Variants in ZNF431 observed in about 807,000 individuals in gnomAD.
ZNF431 encodes zinc finger protein 431.
Under a neutral mutation model 57.0 loss-of-function variants are expected in ZNF431, and 34 were observed. The observed-to-expected ratio is 0.60, with a 90% CI of 0.45 to 0.79. The LOEUF is 0.79. ZNF431 is among the 30% of genes least tolerant of loss of function. The probability of loss-of-function intolerance (pLI) is 0.00; values close to 1 mark genes in which losing one functional copy is unlikely to be tolerated. For missense variants in ZNF431, 607 were observed against 667.1 expected (o/e 0.91, Z 0.99); for synonymous variants, 207 against 220.3 (o/e 0.94, Z 0.54).
chr19:21,178,652 T>G (rs778536978), intron 4 of ZNF431, among the ~76,000 whole-genome samples: 1 of 152,146 alleles, frequency 6.6e-6, no homozygotes, highest in Non-Finnish European at 1.5e-5. Context: ...TAAAGCTGAC[T>G]TGAATTACAT....
chr19:21,166,475 T>C lies in ZNF431; in HGVS notation c.223+14T>C. On this transcript the variant is annotated intron_variant, in intron 3 of 4. Transcript: ENST00000311048. Reference sequence around the variant, plus strand: ...TGGTCTTCTTGGGTGAGAATAACTTTCATACACAATTCTTAATATGCCCTA... The same window carrying C: ...TGGTCTTCTTGGGTGAGAATAACTTCCATACACAATTCTTAATATGCCCTA... The C allele has an allele frequency of 6.3e-7, 1 of 1,589,076 alleles. No individual in the cohort carries two copies. The highest frequency in any genetic ancestry group is 8.5e-7 in the Non-Finnish European group (1 of 1,173,202).
chr19:21,193,279 A>C lies in ZNF431; in HGVS notation c.*9245A>C, dbSNP rs1006837445. 3 of 152,254 alleles carry C rather than the reference A, an allele frequency of 2.0e-5. No homozygotes were observed. The highest frequency in any genetic ancestry group is 4.4e-5 in the Non-Finnish European group (3 of 68,070). 9.4% of individuals were successfully genotyped at this position (152,254 alleles called of 1,614,324 possible). A position where few individuals can be genotyped will look rare whatever the true frequency, so the allele number is the denominator to read the frequency against. On this transcript the variant is annotated 3_prime_UTR_variant, in exon 5 of 5. Coordinates refer to ENST00000311048, the MANE Select transcript of ZNF431 (RefSeq NM_133473.4). ...CGAGGTGGCTCACGCCTGTAATCCC[A>C]GCACTTTGGAAGGCCGAGGTGGGCG...
chr19:21,168,956 G>A (rs925425610), intron 4 of ZNF431, among the ~76,000 whole-genome samples: 1 of 151,454 alleles, frequency 6.6e-6, no homozygotes, highest in Admixed American at 6.6e-5. Flanking sequence ...GTGTTGCCTA[G>A]GCTGGAGTGC....
intron 2 of ZNF431, chr19:21,150,133 TG>T: frequency 1.6e-6 from 1 of 628,320 alleles, no homozygotes; most frequent in Non-Finnish European, 3.0e-6. Context: ...GCTTTGTCTC[TG>T]GTCTGTACTT....
intron 4 of ZNF431, among the ~76,000 whole-genome samples, chr19:21,181,672 A>AT: frequency 6.6e-6 from 1 of 151,916 alleles, no homozygotes; most frequent in East Asian, 1.9e-4. Flanking sequence ...GTTTTTGGAT[A>AT]TTTTAAATAT....
rs1971277475 is a variant in ZNF431, at chr19:21,183,610, CTT to C, written c.1310_1311del (p.Phe437Ter). 1 of 1,613,284 alleles carries C rather than the reference CTT, an allele frequency of 6.2e-7. No homozygotes were observed. Among genetic ancestry groups the C allele is most frequent in the Non-Finnish European group, 8.5e-7 (1 of 1,179,926 alleles). On this transcript the variant is annotated frameshift_variant, in exon 5 of 5. Coordinates refer to ENST00000311048, the MANE Select transcript of ZNF431 (RefSeq NM_133473.4). LOFTEE classifies it high-confidence loss of function. ...TACAAATGTGAAGAATGTGGCAAAG[CTT>C]TTAACCGGTCCCCACAACTTACTGC...
At chr19:21,160,083 C>G (rs1228949928) in intron 2 of ZNF431, among the ~76,000 whole-genome samples, 2 of 151,534 alleles carry the variant, frequency 1.3e-5, no homozygotes, top group African/African-American at 4.9e-5. Flanking sequence ...GATGTAACAC[C>G]CAAGGATGCA....
At chr19:21,174,408 C>A (rs992565481) in intron 4 of ZNF431, among the ~76,000 whole-genome samples, 4 of 151,932 alleles carry the variant, frequency 2.6e-5, no homozygotes, top group Non-Finnish European at 5.9e-5. Flanking sequence ...ATTTTGGAGC[C>A]CTTATGTCAT....
intron 2 of ZNF431, among the ~76,000 whole-genome samples, chr19:21,151,555 T>C (rs1970273549): frequency 6.6e-6 from 1 of 152,120 alleles, no homozygotes. Context: ...AAAGTACTCA[T>C]TCCCTAAGCC....
intron 4 of ZNF431, among the ~76,000 whole-genome samples, chr19:21,178,110 G>A (rs950277299): frequency 2.0e-5 from 3 of 151,814 alleles, no homozygotes; most frequent in African/African-American, 4.8e-5. Context: ...TCATGATTTC[G>A]CTCTCTGTTT....
chr19:21,182,318 T>C (rs1296250182), intron 4 of ZNF431, among the ~76,000 whole-genome samples: 1 of 152,224 alleles, frequency 6.6e-6, no homozygotes, highest in African/African-American at 2.4e-5. Flanking sequence ...TGTTGTATTG[T>C]TGAGTAGGAA....
In ZNF431 at chr19:21,189,969, C is replaced by A. The variant is rs1039786293; in HGVS notation, c.*5935C>A. The A allele has an allele frequency of 7.6e-6, 3 of 397,150 alleles. No homozygotes were observed. The highest frequency in any genetic ancestry group is 6.2e-5 in the African/African-American group (3 of 48,500). 24.6% of individuals were successfully genotyped at this position (397,150 alleles called of 1,614,324 possible). ...GACCAGCCTGGACAACGTGGAAAAACCCCATCTCTACTAAAAATACAAAAA... is the reference window on the plus strand; with the variant it reads ...GACCAGCCTGGACAACGTGGAAAAAACCCATCTCTACTAAAAATACAAAAA... On this transcript the variant is annotated 3_prime_UTR_variant, in exon 5 of 5. Coordinates refer to ENST00000311048, the MANE Select transcript of ZNF431 (RefSeq NM_133473.4).
rs1160861839 is a variant in ZNF431 at position 21,190,076 on chromosome 19, T to C, written c.*6042T>C. On this transcript the variant is annotated 3_prime_UTR_variant, in exon 5 of 5. Transcript: ENST00000311048. ...CTCAGCTACTCCAGAGGCTGAGGCA[T>C]GAGAATCCCTTGAACCACAGATGCA... 7.9e-6 allele frequency: 3 copies of C among 381,662 alleles called. No homozygotes were observed. Among genetic ancestry groups the C allele is most frequent in the Non-Finnish European group, 1.4e-5 (3 of 215,930 alleles). 23.6% of individuals were successfully genotyped at this position (381,662 alleles called of 1,614,324 possible).
At chr19:21,163,105 G>A (rs1447562258) in intron 2 of ZNF431, among the ~76,000 whole-genome samples, 1 of 152,176 alleles carries the variant, frequency 6.6e-6, no homozygotes, top group Non-Finnish European at 1.5e-5. Flanking sequence ...GTGTTATGAG[G>A]ATTAAGTCAC....
At chr19:21,176,570 A>G (rs1302906341) in intron 4 of ZNF431, among the ~76,000 whole-genome samples, 1 of 151,850 alleles carries the variant, frequency 6.6e-6, no homozygotes, top group African/African-American at 2.4e-5. Context: ...GGGGTTGTGT[A>G]ATTCTTGTAA....
chr19:21,163,995 C>T (rs976788246), intron 2 of ZNF431, among the ~76,000 whole-genome samples: 1 of 150,802 alleles, frequency 6.6e-6, no homozygotes, highest in East Asian at 2.0e-4. Flanking sequence ...GCAGGAGAAT[C>T]GCTTGAACCT....
intron 4 of ZNF431, among the ~76,000 whole-genome samples, chr19:21,173,459 TGTA>T (rs1970964644): frequency 6.6e-6 from 1 of 152,230 alleles, no homozygotes; most frequent in South Asian, 2.1e-4. Context: ...TTAAAAAACA[TGTA>T]GTATATTTTT....
chr19:21,151,602 G>A (rs1970275771), intron 2 of ZNF431, among the ~76,000 whole-genome samples: 1 of 152,148 alleles, frequency 6.6e-6, no homozygotes, highest in Non-Finnish European at 1.5e-5. Context: ...CCATTATGAT[G>A]GTGGAGACCA....
At chr19:21,152,884 C>T (rs111556777) in intron 2 of ZNF431, among the ~76,000 whole-genome samples, 1 of 152,106 alleles carries the variant, frequency 6.6e-6, no homozygotes, top group African/African-American at 2.4e-5. Context: ...GATCCAGACC[C>T]CAAGAGAGGG....
Sources: allele counts gnomAD v4.1 joint callset (sites outside exome capture counted in the v4.1 genomes callset), GRCh38; gene constraint gnomAD v4.1.1; transcripts MANE v1.5; gene names NCBI Gene and HGNC (gene_info 2026-07-23, HGNC 2026-07-21).